PRDM6: variants seen among roughly 807,000 people sequenced by gnomAD.
The protein encoded by PRDM6 is putative histone-lysine N-methyltransferase PRDM6.
In PRDM6, 25 loss-of-function variants were observed where a neutral mutation model predicts 60.8. The ratio of observed to expected loss-of-function variants is 0.41; its 90% CI spans 0.30 to 0.57. The LOEUF (loss-of-function observed/expected upper bound fraction) is 0.57. Ranked by LOEUF, PRDM6 falls within the 20% of genes least tolerant of loss-of-function variation. The pLI is 0.27. For synonymous variants in PRDM6, 407 were observed against 357.4 expected, an observed-to-expected ratio of 1.14 and a Z score of -1.57; for missense variants, 839 against 821.3, an observed-to-expected ratio of 1.02 and a Z score of -0.26.
intron 2 of PRDM6, 59 bp downstream of exon 2, chr5:123,090,665 G>A (rs1395135123): frequency 4.6e-6 from 6 of 1,307,162 alleles, no homozygotes; most frequent in African/African-American, 4.6e-5. Context: ...GCCGGCGGGC[G>A]CGGGTGCCTG....
chr5:123,106,448 A>G (rs1764199025), intron 3 of PRDM6, among the ~76,000 whole-genome samples: 1 of 152,210 alleles, frequency 6.6e-6, no homozygotes, highest in South Asian at 2.1e-4. Flanking sequence ...GCAGCATTAG[A>G]CAAAAAAGAG....
intron 2 of PRDM6, among the ~76,000 whole-genome samples, chr5:123,098,052 T>C (rs1763998221): frequency 1.3e-5 from 2 of 152,212 alleles, no homozygotes; most frequent in South Asian, 4.1e-4. Flanking sequence ...AATCGAGGGC[T>C]CCCTTACCAT....
At chr5:123,101,433 G>T (rs1764101081) in intron 3 of PRDM6, among the ~76,000 whole-genome samples, 1 of 152,106 alleles carries the variant, frequency 6.6e-6, no homozygotes, top group Admixed American at 6.6e-5. Flanking sequence ...AAACATTTTG[G>T]TTTTTGTTTC....
chr5:123,185,766 A>T (rs1387215683), intron 7 of PRDM6, among the ~76,000 whole-genome samples: 1 of 152,178 alleles, frequency 6.6e-6, no homozygotes, highest in Non-Finnish European at 1.5e-5. Flanking sequence ...CCCAGAGTGG[A>T]TTGATGTGTT....
intron 7 of PRDM6, among the ~76,000 whole-genome samples, chr5:123,184,344 TG>T (rs964006208): frequency 2.0e-5 from 3 of 152,054 alleles, no homozygotes; most frequent in African/African-American, 7.2e-5. Flanking sequence ...ATGCTCACAA[TG>T]GTATAATAGA....
intron 6 of PRDM6, among the ~76,000 whole-genome samples, chr5:123,173,654 A>G (rs190179625): frequency 2.0e-5 from 3 of 152,386 alleles, no homozygotes; most frequent in Non-Finnish European, 4.4e-5. Flanking sequence ...TTATAAGCAA[A>G]GTAATAAAAT....
In PRDM6 at chr5:123,098,696, G is replaced by C. The variant is rs112485393; in HGVS notation, c.593-958G>C. 7.5e-3 allele frequency among the ~76,000 whole-genome samples: 1,146 copies of C among 152,356 alleles called. 15 individuals are homozygous for C. The highest frequency in any genetic ancestry group is 0.026 in the African/African-American group (1,099 of 41,576). On this transcript the variant is annotated intron_variant, in intron 2 of 7. Coordinates refer to ENST00000407847, the MANE Select transcript of PRDM6 (RefSeq NM_001136239.4). ...AGCACAACAGAATCGCATTTAGCCT[G>C]GAGAACAGCCGTCGGGGCAGGAGTT... is the stretch of plus-strand genomic sequence containing the variant.
At chr5:123,135,818 T>A (rs1764939290) in intron 3 of PRDM6, among the ~76,000 whole-genome samples, 1 of 152,198 alleles carries the variant, frequency 6.6e-6, no homozygotes, top group South Asian at 2.1e-4. Context: ...CCCCTCCCCA[T>A]ATTTATCCAT....
At chr5:123,160,530 C>A (rs1228588640) in intron 5 of PRDM6, among the ~76,000 whole-genome samples, 2 of 152,166 alleles carry the variant, frequency 1.3e-5, no homozygotes, top group African/African-American at 4.8e-5. Flanking sequence ...TAAGAAACTT[C>A]ATTTTGAAAA....
chr5:123,140,865 A>G (rs1026987017), intron 3 of PRDM6, among the ~76,000 whole-genome samples: 5 of 152,134 alleles, frequency 3.3e-5, no homozygotes, highest in Admixed American at 1.3e-4. Context: ...GTTAATTCTT[A>G]AATTTTAATT....
chr5:123,105,895 C>A (rs1764189175), intron 3 of PRDM6, among the ~76,000 whole-genome samples: 2 of 152,210 alleles, frequency 1.3e-5, no homozygotes, highest in South Asian at 4.1e-4. Context: ...CAAATTGTTA[C>A]ACATGTGTGA....
chr5:123,157,457 C>T (rs1195790692), intron 4 of PRDM6, among the ~76,000 whole-genome samples: 2 of 152,096 alleles, frequency 1.3e-5, no homozygotes, highest in African/African-American at 4.8e-5. Context: ...AAAACAAGAA[C>T]CCCCTAAGAG....
rs182934955 is a variant in PRDM6 at position 123,190,450 on chromosome 5, G to A, written c.*3249G>A. 7 of 152,256 alleles carry A rather than the reference G, an allele frequency of 4.6e-5. 1 individual carries two copies. In the East Asian group the frequency reaches 1.4e-3, roughly 29 times the overall value. The allele number at this position is 152,256 out of a possible 1,614,324, so 9.4% of individuals were successfully genotyped here. ...CTTTAAAAATGACTTTTTTGGAGGA[G>A]ATATACTTCTAAAAAGTTATTGTAT... is the stretch of plus-strand genomic sequence containing the variant. On this transcript the variant is annotated 3_prime_UTR_variant, in exon 8 of 8. Coordinates refer to ENST00000407847, the MANE Select transcript of PRDM6 (RefSeq NM_001136239.4).
At chr5:123,177,124 C>T (rs1766032998) in intron 6 of PRDM6, among the ~76,000 whole-genome samples, 1 of 152,184 alleles carries the variant, frequency 6.6e-6, no homozygotes, top group Non-Finnish European at 1.5e-5. Flanking sequence ...TTCCTAAGCT[C>T]TGCTGTTGGG....
At chr5:123,175,587 C>T (rs1765987401) in intron 6 of PRDM6, among the ~76,000 whole-genome samples, 1 of 152,136 alleles carries the variant, frequency 6.6e-6, no homozygotes, top group Admixed American at 6.5e-5. Context: ...AAATATTTTT[C>T]TCCTTACGTA....
At chr5:123,131,668 G>C (rs1764838021) in intron 3 of PRDM6, among the ~76,000 whole-genome samples, 1 of 152,156 alleles carries the variant, frequency 6.6e-6, no homozygotes, top group African/African-American at 2.4e-5. Flanking sequence ...ATGCATCGGA[G>C]TCATAAATTT....
intron 3 of PRDM6, among the ~76,000 whole-genome samples, chr5:123,109,531 T>C (rs1764261845): frequency 6.6e-6 from 1 of 152,182 alleles, no homozygotes; most frequent in Non-Finnish European, 1.5e-5. Context: ...TGGATTTAAT[T>C]ACTTACTAAA....
Position 123,090,449 on chromosome 5 carries a change from C to T in PRDM6, c.435C>T (p.Pro145=), listed in dbSNP as rs1407378656. Residue 145 remains proline (P), a synonymous_variant, in exon 2 of 8, where the codon CCC becomes CCT. Transcript: ENST00000407847. The stretch of plus-strand genomic sequence containing the variant: ...TGTGCCTCGGCGCCACCTCCGGCCC[C>T]GGGCCCGTCAAGTGCGGTGGTGGTG... ...KELCLGATSG[P]GPVKCGGGGG... 2 of 1,463,478 alleles carry T rather than the reference C, an allele frequency of 1.4e-6. No individual in the cohort carries two copies. Among genetic ancestry groups the T allele is most frequent in the Middle Eastern group, 2.4e-4 (1 of 4,138 alleles). 90.7% of individuals were successfully genotyped at this position (1,463,478 alleles called of 1,614,324 possible).
At position 123,125,159 on chromosome 5, in the gene PRDM6, ACC is replaced by A. The variant is rs1561831033; in HGVS notation, c.900+25200_900+25201del. Among the ~76,000 whole-genome samples, 8 of 48,712 alleles carry A rather than the reference ACC, an allele frequency of 1.6e-4. No homozygotes were observed. In the South Asian group the frequency reaches 2.0e-3, roughly 12 times the overall value. 32.0% of individuals were successfully genotyped at this position (48,712 alleles called of 152,430 possible). On this transcript the variant is annotated intron_variant, in intron 3 of 7. Coordinates refer to ENST00000407847, the MANE Select transcript of PRDM6 (RefSeq NM_001136239.4). The stretch of plus-strand genomic sequence containing the variant: ...TTACATACCGCACCCCCTCCCCCCC[ACC>A]CGCCGGCCCCGCCACACACACACAT...
Sources: gnomAD v4.1 joint callset for allele counts (sites outside exome capture counted in the v4.1 genomes callset) on GRCh38, gnomAD v4.1.1 for gene constraint, MANE v1.5 for transcripts, NCBI Gene and HGNC (gene_info 2026-07-23, HGNC 2026-07-21) for gene names.